TUSC3: variants seen among roughly 807,000 people sequenced by gnomAD.
TUSC3 encodes the protein dolichyl-diphosphooligosaccharide--protein glycosyltransferase subunit TUSC3.
In TUSC3, 45 loss-of-function variants were observed where a neutral mutation model predicts 44.8. The ratio of observed to expected loss-of-function variants is 1.00; its 90% CI spans 0.79 to 1.29. The LOEUF (loss-of-function observed/expected upper bound fraction) is 1.29. Among genes scored for constraint, TUSC3 ranks in the 50% most tolerant of loss-of-function variants. The pLI, the probability that TUSC3 is intolerant of heterozygous loss-of-function variation, is 0.00. For synonymous variants in TUSC3, 212 were observed against 152.9 expected (o/e 1.39, Z -2.85); for missense variants, 519 against 437.9 (o/e 1.19, Z -1.65).
At chr8:15,459,059 G>A (rs1800304591) in intron 1 of TUSC3, among the ~76,000 whole-genome samples, 1 of 152,104 alleles carries the variant, frequency 6.6e-6, no homozygotes, top group Admixed American at 6.5e-5. Flanking sequence ...TTCTGAATTT[G>A]ACAGTCCTTT....
intron 1 of TUSC3, among the ~76,000 whole-genome samples, chr8:15,617,140 T>TGTGTGTGTGTGTGTGTG (rs1563136021): frequency 4.9e-4 from 4 of 8,124 alleles, no homozygotes; most frequent in East Asian, 0.015. Flanking sequence ...GTGTATATAT[T>TGTGTGTGTGTGTGTGTG]TTTTTTTTTT....
At chr8:15,565,233 A>G (rs1244971070) in intron 1 of TUSC3, among the ~76,000 whole-genome samples, 4 of 150,754 alleles carry the variant, frequency 2.7e-5, no homozygotes, top group Non-Finnish European at 4.4e-5. Flanking sequence ...CTTACTTGGC[A>G]TCATTCCAGT....
At position 15,623,076 on chromosome 8, in the gene TUSC3, G is replaced by T; in HGVS notation, c.139-4G>T. 1.9e-6 allele frequency: 3 copies of T among 1,613,354 alleles called. No individual in the cohort carries two copies. The highest frequency in any genetic ancestry group is 2.5e-6 in the Non-Finnish European group (3 of 1,179,638). ...TAAATGTTAATTTCTGTGTTTAATT[G>T]CAGAATCTTTTAGCTGAAAAAGTAG... On this transcript the variant is annotated splice_polypyrimidine_tract_variant and splice_region_variant and intron_variant, in intron 1 of 10. Transcript: ENST00000503731.
intron 7 of TUSC3, among the ~76,000 whole-genome samples, 187 bp downstream of exon 7, chr8:15,730,916 G>A (rs1438985817): frequency 1.1e-4 from 17 of 151,418 alleles, no homozygotes; most frequent in Admixed American, 2.0e-4. Flanking sequence ...TTGCTATTCC[G>A]TATCATTAAC....
At chr8:15,428,350 T>C (rs1412094640) in intron 1 of TUSC3, among the ~76,000 whole-genome samples, 1 of 152,058 alleles carries the variant, frequency 6.6e-6, no homozygotes, top group Admixed American at 6.6e-5. Flanking sequence ...GTGCCACATT[T>C]TCTTAATCCA....
intron 4 of TUSC3, 132 bp downstream of exon 4, chr8:15,659,779 A>G: frequency 8.8e-7 from 1 of 1,136,286 alleles, no homozygotes; most frequent in Non-Finnish European, 1.3e-6. Flanking sequence ...AAACTGTTCG[A>G]TTACTGCAAA....
At chr8:15,575,037 A>C (rs771159706) in intron 1 of TUSC3, among the ~76,000 whole-genome samples, 10 of 152,120 alleles carry the variant, frequency 6.6e-5, no homozygotes, top group African/African-American at 9.7e-5. Context: ...AAGTATTTAG[A>C]AAATTTTTAT....
At chr8:15,694,835 C>T (rs929117432) in intron 6 of TUSC3, among the ~76,000 whole-genome samples, 2 of 152,160 alleles carry the variant, frequency 1.3e-5, no homozygotes, top group Middle Eastern at 3.4e-3. Context: ...CACAACACTC[C>T]CATGAGTGGT....
At chr8:15,677,269 G>A (rs1046670405) in intron 6 of TUSC3, among the ~76,000 whole-genome samples, 2 of 152,076 alleles carry the variant, frequency 1.3e-5, no homozygotes, top group African/African-American at 4.8e-5. Context: ...CTGAGTTCTC[G>A]GATTACAGGC....
the TUSC3 span, among the ~76,000 whole-genome samples, chr8:15,790,122 A>G: frequency 6.6e-6 from 1 of 151,332 alleles, no homozygotes; most frequent in Non-Finnish European, 1.5e-5. Context: ...AAGGGGTAGT[A>G]ACGTCCTGGT....
chr8:15,773,032 A>T, the TUSC3 span, among the ~76,000 whole-genome samples: 1 of 54,514 alleles, frequency 1.8e-5, no homozygotes, highest in East Asian at 5.6e-4. Context: ...CTAACATAAC[A>T]TTCAATGGTT....
At chr8:15,582,083 T>C (rs10103892) in intron 1 of TUSC3, among the ~76,000 whole-genome samples, 43,083 of 151,462 alleles carry the variant, frequency 0.28, 6,331 homozygotes, top group East Asian at 0.5. Context: ...CAGGTGCGTC[T>C]GTCACCCCTT....
rs990800014 is a variant in TUSC3, at chr8:15,540,271, C to G, written c.-160C>G. ...GAACCGGATGCTCTGTCAGTCTCCT[C>G]CTCTGCGTCCTCGGCCGCGGCCCGG... On this transcript the variant is annotated 5_prime_UTR_variant, in exon 1 of 11. Transcript: ENST00000503731. The G allele has an allele frequency of 6.8e-6, 7 of 1,034,446 alleles. No individual in the cohort carries two copies. Among genetic ancestry groups the G allele is most frequent in the Non-Finnish European group, 9.0e-6 (7 of 774,172 alleles). 64.1% of individuals were successfully genotyped at this position (1,034,446 alleles called of 1,614,324 possible).
intron 9 of TUSC3, among the ~76,000 whole-genome samples, chr8:15,756,213 G>C (rs147223523): frequency 9.3e-4 from 142 of 152,114 alleles, no homozygotes; most frequent in African/African-American, 3.3e-3. Flanking sequence ...ACTAACTTTG[G>C]GGCTTAAAGT....
At chr8:15,830,008 T>C in the TUSC3 span, among the ~76,000 whole-genome samples, 4 of 151,966 alleles carry the variant, frequency 2.6e-5, no homozygotes, top group Non-Finnish European at 5.9e-5. Context: ...TGAGATGGTG[T>C]CTCACTGTGG....
intron 7 of TUSC3, among the ~76,000 whole-genome samples, chr8:15,738,882 G>C (rs1342300772): frequency 1.6e-5 from 2 of 125,822 alleles, no homozygotes; most frequent in African/African-American, 6.1e-5. Context: ...GCCCAGGCTG[G>C]AGTGCAGTGG....
the TUSC3 span, among the ~76,000 whole-genome samples, chr8:15,808,639 A>C: frequency 2.0e-5 from 3 of 152,074 alleles, no homozygotes; most frequent in Admixed American, 6.6e-5. Context: ...CCCAAGCATA[A>C]GTCTTTTATA....
At chr8:15,584,249 C>T (rs904546271) in intron 1 of TUSC3, among the ~76,000 whole-genome samples, 1 of 152,154 alleles carries the variant, frequency 6.6e-6, no homozygotes, top group African/African-American at 2.4e-5. Flanking sequence ...AATTATCAGT[C>T]TCAGCACAAC....
intron 1 of TUSC3, among the ~76,000 whole-genome samples, chr8:15,603,401 A>C (rs1272252692): frequency 6.6e-6 from 1 of 151,802 alleles, no homozygotes; most frequent in African/African-American, 2.4e-5. Flanking sequence ...GGGAACCCAC[A>C]TGTTGCTGGT....
Sources: allele counts gnomAD v4.1 joint callset (sites outside exome capture counted in the v4.1 genomes callset), GRCh38; gene constraint gnomAD v4.1.1; transcripts MANE v1.5; gene names NCBI Gene and HGNC (gene_info 2026-07-23, HGNC 2026-07-21).